Variants in KATNAL1 observed in about 807,000 individuals in gnomAD.
The protein encoded by KATNAL1 is katanin catalytic subunit A1 like 1, also known as katanin p60 ATPase-containing subunit A-like 1.
Under a neutral mutation model 55.2 loss-of-function variants are expected in KATNAL1, and 32 were observed. The observed-to-expected ratio is 0.58, with a 90% CI of 0.44 to 0.78. The LOEUF (loss-of-function observed/expected upper bound fraction) is 0.78, where lower values mean the gene tolerates loss of function less well. Ranked by LOEUF, KATNAL1 falls within the 30% of genes least tolerant of loss-of-function variation. The probability of loss-of-function intolerance (pLI) is 0.00; values close to 1 mark genes in which losing one functional copy is unlikely to be tolerated. For missense variants in KATNAL1, 466 were observed against 600.9 expected, an observed-to-expected ratio of 0.78 and a Z score of 2.35; for synonymous variants, 193 against 193.6, an observed-to-expected ratio of 1.00 and a Z score of 0.02.
chr13:30,230,162 G>C (rs1875947759), intron 8 of KATNAL1, among the ~76,000 whole-genome samples: 3 of 152,166 alleles, frequency 2.0e-5, no homozygotes, highest in Non-Finnish European at 4.4e-5. Context: ...TGACCTTGCA[G>C]ATTCTTTAAA....
chr13:30,264,286 T>C (rs1879557116), intron 3 of KATNAL1, among the ~76,000 whole-genome samples: 1 of 144,412 alleles, frequency 6.9e-6, no homozygotes, highest in African/African-American at 2.6e-5. Context: ...GAAGAAAACC[T>C]AGGCATTACC....
At chr13:30,251,700 T>G (rs1878336484) in intron 4 of KATNAL1, among the ~76,000 whole-genome samples, 1 of 152,052 alleles carries the variant, frequency 6.6e-6, no homozygotes, top group South Asian at 2.1e-4. Context: ...CACACTGAAA[T>G]AAAACAGAAA....
chr13:30,286,783 CAG>C (rs551220005), intron 1 of KATNAL1, among the ~76,000 whole-genome samples: 1 of 152,168 alleles, frequency 6.6e-6, no homozygotes, highest in Non-Finnish European at 1.5e-5. Flanking sequence ...TGAAAGCAGC[CAG>C]AAGGTGGGGA....
chr13:30,303,936 G>C (rs1215891758), intron 1 of KATNAL1, among the ~76,000 whole-genome samples: 1 of 152,194 alleles, frequency 6.6e-6, no homozygotes. Flanking sequence ...CTTTCTATCA[G>C]ACAGAACTGG....
Position 30,203,605 on chromosome 13 carries a change from G to A in KATNAL1, c.*4935C>T, listed in dbSNP as rs1406069420. 2 of 152,188 alleles carry A rather than the reference G, an allele frequency of 1.3e-5. No individual in the cohort carries two copies. Among genetic ancestry groups the A allele is most frequent in the East Asian group, 3.9e-4 (2 of 5,186 alleles). The allele number at this position is 152,188 out of a possible 1,614,324, so 9.4% of individuals were successfully genotyped here. A position where few individuals can be genotyped will look rare whatever the true frequency, so the allele number is the denominator to read the frequency against. On this transcript the variant is annotated 3_prime_UTR_variant, in exon 11 of 11. Transcript: ENST00000380615. The stretch of plus-strand genomic sequence containing the variant: ...AAACCTACACACTGTTGGTAATAAA[G>A]CAATATCTAGGGTTTTTTTCATTTA...
chr13:30,235,627 G>C (rs145959179), intron 6 of KATNAL1, among the ~76,000 whole-genome samples: 1 of 152,328 alleles, frequency 6.6e-6, no homozygotes, highest in Non-Finnish European at 1.5e-5. Flanking sequence ...ACATCCAGGA[G>C]AGCAAAGCAT....
chr13:30,271,090 A>G (rs544591356), intron 3 of KATNAL1, among the ~76,000 whole-genome samples: 5 of 152,198 alleles, frequency 3.3e-5, no homozygotes, highest in Non-Finnish European at 5.9e-5. Flanking sequence ...GTGGGGTGGA[A>G]GTAAGGGATA....
At chr13:30,259,550 C>G (rs1224927713) in intron 3 of KATNAL1, among the ~76,000 whole-genome samples, 2 of 152,194 alleles carry the variant, frequency 1.3e-5, no homozygotes, top group South Asian at 2.1e-4. Flanking sequence ...CAAGGCATTG[C>G]CTCACTCGGG....
chr13:30,240,167 TTTTA>T (rs1877121810), intron 6 of KATNAL1, among the ~76,000 whole-genome samples: 1 of 152,216 alleles, frequency 6.6e-6, no homozygotes, highest in Admixed American at 6.5e-5. Context: ...CTGCTTAACT[TTTTA>T]TTTATAGAAC....
chr13:30,210,864 A>C (rs1047981335), intron 9 of KATNAL1, among the ~76,000 whole-genome samples: 1 of 152,158 alleles, frequency 6.6e-6, no homozygotes, highest in Admixed American at 6.5e-5. Flanking sequence ...TACTTTGCTC[A>C]CCTGTTAGTA....
intron 9 of KATNAL1, among the ~76,000 whole-genome samples, chr13:30,216,908 C>T (rs576043323): frequency 5.9e-5 from 9 of 152,266 alleles, no homozygotes; most frequent in African/African-American, 2.2e-4. Context: ...TTTCACTGTG[C>T]CTGGCCTAAG....
intron 1 of KATNAL1, 141 bp from the exon 2 acceptor site, chr13:30,283,932 G>C (rs1320063336): frequency 6.6e-6 from 4 of 606,246 alleles, no homozygotes; most frequent in Admixed American, 3.2e-5. Flanking sequence ...TTGGAGTGCA[G>C]CAGCATGATC....
chr13:30,287,330 T>C (rs1199514172), intron 1 of KATNAL1, among the ~76,000 whole-genome samples: 4 of 152,188 alleles, frequency 2.6e-5, no homozygotes, highest in Non-Finnish European at 5.9e-5. Context: ...GCTGTTCTCA[T>C]GATAATGTGT....
intron 4 of KATNAL1, among the ~76,000 whole-genome samples, chr13:30,243,007 A>C (rs942531861): frequency 1.3e-5 from 2 of 152,216 alleles, no homozygotes. Flanking sequence ...CTATTAGTTA[A>C]AGGAAATAAA....
intron 3 of KATNAL1, among the ~76,000 whole-genome samples, chr13:30,274,138 C>T (rs1014409404): frequency 2.6e-5 from 4 of 152,192 alleles, no homozygotes; most frequent in East Asian, 3.8e-4. Context: ...AAGGAACTTG[C>T]AGGATCACTA....
At chr13:30,224,097 T>C (rs1447055963) in intron 9 of KATNAL1, among the ~76,000 whole-genome samples, 1 of 151,804 alleles carries the variant, frequency 6.6e-6, no homozygotes, top group Non-Finnish European at 1.5e-5. Context: ...AAATGCTAAA[T>C]AACTAAAGGA....
chr13:30,266,875 T>C (rs1225235440), intron 3 of KATNAL1, among the ~76,000 whole-genome samples: 2 of 152,132 alleles, frequency 1.3e-5, no homozygotes, highest in African/African-American at 4.8e-5. Context: ...CACCAAAAAT[T>C]ATACAATCCC....
chr13:30,217,991 G>A (rs1593835669), intron 9 of KATNAL1, among the ~76,000 whole-genome samples: 1 of 152,088 alleles, frequency 6.6e-6, no homozygotes, highest in East Asian at 1.9e-4. Context: ...ATGTCCACAT[G>A]CTGTAACGTC....
rs1257898883 is a variant in KATNAL1 at position 30,270,070 on chromosome 13, G to A, written c.323+9993C>T. ...GGCCAGCCGCCCCATCCGGGAGGGA[G>A]GTGGGGGGGGTCAGCCCCCCGCCCG... On this transcript the variant is annotated intron_variant, in intron 3 of 10. Transcript: ENST00000380615. Among the ~76,000 whole-genome samples, 197 of 128,878 alleles carry A rather than the reference G, an allele frequency of 1.5e-3. 9 individuals are homozygous for A. Among genetic ancestry groups the A allele is most frequent in the South Asian group, 8.9e-3 (36 of 4,040 alleles). 84.5% of individuals were successfully genotyped at this position (128,878 alleles called of 152,430 possible). A position where few individuals can be genotyped will look rare whatever the true frequency, so the allele number is the denominator to read the frequency against.
Sources: gnomAD v4.1 joint callset for allele counts (sites outside exome capture counted in the v4.1 genomes callset) on GRCh38, gnomAD v4.1.1 for gene constraint, MANE v1.5 for transcripts, NCBI Gene and HGNC (gene_info 2026-07-23, HGNC 2026-07-21) for gene names.